The following TMEM132D variants were observed in gnomAD, a reference collection of about 807,000 sequenced individuals.
The protein encoded by TMEM132D is transmembrane protein 132D.
Under a neutral mutation model 62.3 loss-of-function variants are expected in TMEM132D, and 21 were observed. The ratio of observed to expected loss-of-function variants is 0.34; its 90% CI spans 0.24 to 0.49. The LOEUF is 0.49. TMEM132D is among the 20% of genes least tolerant of loss of function. TMEM132D has a pLI of 0.99. For synonymous variants in TMEM132D, 621 were observed against 575.6 expected, an observed-to-expected ratio of 1.08 and a Z score of -1.13; for missense variants, 1,346 against 1,402.8, an observed-to-expected ratio of 0.96 and a Z score of 0.65.
Position 129,073,501 on chromosome 12 carries a change from A to G in TMEM132D, c.*374T>C, listed in dbSNP as rs1244837743. Reference sequence around the variant, plus strand: ...TCCACCTGAGTTGTACTTTTCTTCCATAGTCTGCAATATTGAATATTGGAG... The same window carrying G: ...TCCACCTGAGTTGTACTTTTCTTCCGTAGTCTGCAATATTGAATATTGGAG... On this transcript the variant is annotated 3_prime_UTR_variant, in exon 9 of 9. Coordinates refer to ENST00000422113, the MANE Select transcript of TMEM132D (RefSeq NM_133448.3). 1 of 169,536 alleles carries G rather than the reference A, an allele frequency of 5.9e-6. No individual in the cohort carries two copies. The highest frequency in any genetic ancestry group is 2.4e-5 in the African/African-American group (1 of 42,000). 10.5% of individuals were successfully genotyped at this position (169,536 alleles called of 1,614,324 possible).
At chr12:129,800,486 G>A (rs922428945) in intron 1 of TMEM132D, among the ~76,000 whole-genome samples, 1 of 152,106 alleles carries the variant, frequency 6.6e-6, no homozygotes, top group Non-Finnish European at 1.5e-5. Flanking sequence ...ATGGAGCTAT[G>A]CAGTTATAAA....
At chr12:129,415,828 C>A (rs1258728334) in intron 3 of TMEM132D, among the ~76,000 whole-genome samples, 4 of 152,170 alleles carry the variant, frequency 2.6e-5, no homozygotes, top group African/African-American at 9.7e-5. Context: ...GTGGCTGACA[C>A]CAGCACCCAA....
At chr12:129,536,067 G>C (rs1876378702) in intron 2 of TMEM132D, among the ~76,000 whole-genome samples, 1 of 152,192 alleles carries the variant, frequency 6.6e-6, no homozygotes, top group African/African-American at 2.4e-5. Context: ...GATACGAAGA[G>C]ATCCAAACTT....
chr12:129,661,917 TTGA>T (rs1377951846), intron 2 of TMEM132D, among the ~76,000 whole-genome samples: 1 of 152,208 alleles, frequency 6.6e-6, no homozygotes, highest in Non-Finnish European at 1.5e-5. Flanking sequence ...CTTCATAGAC[TTGA>T]TGAGCTGGAA....
At chr12:129,699,775 G>C (rs1315158290) in intron 2 of TMEM132D, 35 bp downstream of exon 2, 1 of 1,599,588 alleles carries the variant, frequency 6.3e-7, no homozygotes, top group Non-Finnish European at 8.5e-7. Flanking sequence ...CCTGATCGAC[G>C]GGCGGGTACA....
chr12:129,469,330 G>T (rs907789516), intron 3 of TMEM132D, among the ~76,000 whole-genome samples: 4 of 152,162 alleles, frequency 2.6e-5, no homozygotes, highest in Non-Finnish European at 5.9e-5. Flanking sequence ...CCAACTCTGT[G>T]ATAACCTTTC....
intron 3 of TMEM132D, among the ~76,000 whole-genome samples, chr12:129,436,843 C>T (rs1366920790): frequency 6.6e-6 from 1 of 152,054 alleles, no homozygotes; most frequent in Non-Finnish European, 1.5e-5. Flanking sequence ...ATAGTTACCT[C>T]CTCAGCTTGG....
intron 3 of TMEM132D, among the ~76,000 whole-genome samples, chr12:129,459,531 T>C (rs975571936): frequency 6.6e-6 from 1 of 152,158 alleles, no homozygotes; most frequent in Non-Finnish European, 1.5e-5. Context: ...GGAATACTTA[T>C]TTTGAACAAT....
At chr12:129,157,319 T>A (rs1372504080) in intron 5 of TMEM132D, among the ~76,000 whole-genome samples, 3 of 152,242 alleles carry the variant, frequency 2.0e-5, no homozygotes, top group Non-Finnish European at 2.9e-5. Flanking sequence ...GGCTATCAAG[T>A]CTCCGACTCA....
At chr12:129,435,808 T>A (rs766972768) in intron 3 of TMEM132D, among the ~76,000 whole-genome samples, 8 of 152,206 alleles carry the variant, frequency 5.3e-5, no homozygotes, top group Non-Finnish European at 1.2e-4. Flanking sequence ...TTATTTGGAA[T>A]GAGGACAGTG....
chr12:129,604,667 C>A (rs569039248), intron 2 of TMEM132D, among the ~76,000 whole-genome samples: 1 of 152,258 alleles, frequency 6.6e-6, no homozygotes, highest in South Asian at 2.1e-4. Context: ...TGTAATGCAC[C>A]TAACCAATTG....
intron 2 of TMEM132D, among the ~76,000 whole-genome samples, chr12:129,636,997 AAC>A (rs1879501519): frequency 6.6e-6 from 1 of 152,108 alleles, no homozygotes; most frequent in Non-Finnish European, 1.5e-5. Context: ...CCCCAATATA[AAC>A]ACAGTACAAA....
At chr12:129,143,661 A>G (rs1185283789) in intron 5 of TMEM132D, among the ~76,000 whole-genome samples, 1 of 152,212 alleles carries the variant, frequency 6.6e-6, no homozygotes, top group East Asian at 1.9e-4. Flanking sequence ...ATAAAAACCA[A>G]TACATGTATG....
intron 4 of TMEM132D, among the ~76,000 whole-genome samples, chr12:129,291,828 T>C (rs1881457720): frequency 6.6e-6 from 1 of 152,154 alleles, no homozygotes; most frequent in East Asian, 1.9e-4. Flanking sequence ...GCCTGATTTC[T>C]GTTCTAAGCA....
chr12:129,809,581 A>G (rs1358036658), intron 1 of TMEM132D, among the ~76,000 whole-genome samples: 1 of 152,156 alleles, frequency 6.6e-6, no homozygotes, highest in Non-Finnish European at 1.5e-5. Context: ...ACACATCCTC[A>G]ACATTATCAA....
intron 4 of TMEM132D, among the ~76,000 whole-genome samples, chr12:129,267,493 C>A (rs1880728332): frequency 6.6e-6 from 1 of 152,142 alleles, no homozygotes; most frequent in Admixed American, 6.5e-5. Context: ...TGAAGGACCT[C>A]TTCAAGGAGA....
chr12:129,376,190 G>A (rs537101476), intron 3 of TMEM132D, among the ~76,000 whole-genome samples: 111 of 152,246 alleles, frequency 7.3e-4, no homozygotes, highest in Non-Finnish European at 1.4e-3. Context: ...GGTGCCATGG[G>A]CTCTGTATTA....
At chr12:129,799,786 C>T (rs1871703587) in intron 1 of TMEM132D, among the ~76,000 whole-genome samples, 1 of 152,120 alleles carries the variant, frequency 6.6e-6, no homozygotes, top group African/African-American at 2.4e-5. Flanking sequence ...CGGAGGGAGA[C>T]TCCTCCCCCA....
At chr12:129,744,120 A>T (rs1869698824) in intron 1 of TMEM132D, among the ~76,000 whole-genome samples, 1 of 152,102 alleles carries the variant, frequency 6.6e-6, no homozygotes, top group Admixed American at 6.5e-5. Context: ...CAATTTCCAC[A>T]CCTGTAAAAT....
Sources: allele counts gnomAD v4.1 joint callset (sites outside exome capture counted in the v4.1 genomes callset), GRCh38; gene constraint gnomAD v4.1.1; transcripts MANE v1.5; gene names NCBI Gene and HGNC (gene_info 2026-07-23, HGNC 2026-07-21).